GATA2: variants seen among roughly 807,000 people sequenced by gnomAD.
GATA2 encodes the protein GATA binding protein 2.
In GATA2, 6 loss-of-function variants were observed where a neutral mutation model predicts 35.7. The ratio of observed to expected loss-of-function variants is 0.17; its 90% CI spans 0.09 to 0.33. GATA2 has a LOEUF of 0.33. Ranked by LOEUF, GATA2 falls within the 10% of genes least tolerant of loss-of-function variation. GATA2 has a pLI of 1.00. For missense variants in GATA2, 541 were observed against 656.6 expected (o/e 0.82, Z 1.92); for synonymous variants, 313 against 274.9 (o/e 1.14, Z -1.37).
At chr3:128,489,905 A>G (rs1052189620) in intron 1 of GATA2, 1 of 152,220 alleles carries the variant, frequency 6.6e-6, no homozygotes, top group Non-Finnish European at 1.5e-5. Context: ...CGTGTCCGGC[A>G]AAGCTGCCCC....
chr3:128,487,026 C>G lies in GATA2; in HGVS notation c.6G>C (p.Glu2Asp). 6.3e-7 allele frequency: 1 copy of G among 1,583,598 alleles called. No homozygotes were observed. The highest frequency in any genetic ancestry group is 2.3e-5 in the East Asian group (1 of 43,512). Residue 2 changes from glutamate (E) to aspartate (D), a missense_variant, in exon 2 of 6, where the codon GAG (glutamate) becomes GAC (aspartate). Physicochemically the swap from Glu to Asp is conservative, Grantham distance 45. Around this residue, in one of 5 missense-constraint regions of GATA2, gnomAD observed 389 missense variants for 396.9 expected, o/e 0.98. Transcript: ENST00000341105. Reference protein sequence around the residue: MEVAPEQPRWMA... With the variant: MDVAPEQPRWMA... Reference sequence around the variant, plus strand: ...TCCAGCGCGGCTGCTCGGGCGCCACCTCCATGGCCGGCGGCGGCGGCTCAG... The same window carrying G: ...TCCAGCGCGGCTGCTCGGGCGCCACGTCCATGGCCGGCGGCGGCGGCTCAG...
chr3:128,483,785 G>A (rs1301667763), intron 4 of GATA2, 75 bp downstream of exon 4: 2 of 1,589,418 alleles, frequency 1.3e-6, no homozygotes, highest in African/African-American at 1.3e-5. Context: ...GCATTTGAAG[G>A]AGTTTTTTTC....
chr3:128,486,810 G>C lies in GATA2; in HGVS notation c.222C>G (p.Pro74=). ...CACGGGCCCAGTGCTCACCGTGCGC[G>C]GGGCTGTAGGAGACGCGCGCCCGCG... ...AHARARVSYS[P]AHARLTGGQM... is the part of the protein sequence containing the mutation. Residue 74 remains proline, a synonymous_variant, in exon 2 of 6, where the codon CCC becomes CCG. Coordinates refer to ENST00000341105, the MANE Select transcript of GATA2 (RefSeq NM_032638.5). 1 of 1,604,174 alleles carries C rather than the reference G, an allele frequency of 6.2e-7. No individual in the cohort carries two copies. Among genetic ancestry groups the C allele is most frequent in the South Asian group, 1.1e-5 (1 of 88,970 alleles).
intron 4 of GATA2, among the ~76,000 whole-genome samples, chr3:128,483,073 C>G (rs1030278641): frequency 3.9e-5 from 6 of 152,268 alleles, no homozygotes; most frequent in African/African-American, 1.4e-4. Context: ...CCTCTACCCC[C>G]ACCCGGGCCT....
In GATA2 at chr3:128,483,241, C is replaced by T. The variant is rs1384512360; in HGVS notation, c.1017+619G>A. On this transcript the variant is annotated intron_variant, in intron 4 of 5. Coordinates refer to ENST00000341105, the MANE Select transcript of GATA2 (RefSeq NM_032638.5). ...TATTAGAAATTTCAAAACAGCCCAG[C>T]GAGAGGCAGGACTGAGCTGAGGAGA... is the stretch of plus-strand genomic sequence containing the variant. 6.6e-6 allele frequency among the ~76,000 whole-genome samples: 1 copy of T among 152,150 alleles called. No individual in the cohort carries two copies. The highest frequency in any genetic ancestry group is 2.1e-4 in the South Asian group (1 of 4,826).
In GATA2 at chr3:128,492,935, G is replaced by C. The variant is rs868346073; in HGVS notation, c.-82C>G. ...CGGTGGGCGGCGCCCCCGGGCGGAC[G>C]GGGCCTGGAGTAGAGCTGGGAGCAG... On this transcript the variant is annotated 5_prime_UTR_variant, in exon 1 of 6. Coordinates refer to ENST00000341105, the MANE Select transcript of GATA2 (RefSeq NM_032638.5). 1.3e-5 allele frequency: 2 copies of C among 152,596 alleles called. No individual in the cohort carries two copies. Among genetic ancestry groups the C allele is most frequent in the African/African-American group, 4.8e-5 (2 of 41,440 alleles). The allele number at this position is 152,596 out of a possible 1,614,324, so 9.5% of individuals were successfully genotyped here.
At chr3:128,481,790 G>T in intron 5 of GATA2, 29 bp downstream of exon 5, 1 of 1,605,996 alleles carries the variant, frequency 6.2e-7, no homozygotes. Context: ...CCTGGGAGGG[G>T]CGGGGTGGCC....
In GATA2 at chr3:128,485,702, C is replaced by T. The variant is rs757591908; in HGVS notation, c.871+25G>A. On this transcript the variant is annotated intron_variant, in intron 3 of 5. Transcript: ENST00000341105. ...AAAACGCAAATGCTCCCCTCTTCCA[C>T]GAAGTCCCCAGCACCTGCCTTTACC... 3.7e-6 allele frequency: 6 copies of T among 1,611,326 alleles called. No homozygotes were observed. The African/African-American group carries it at 6.7e-5, about 18-fold the overall frequency.
At position 128,483,942 on chromosome 3, in the gene GATA2, C is replaced by T. The variant is rs866549293; in HGVS notation, c.935G>A (p.Gly312Asp). The T allele has an allele frequency of 6.2e-7, 1 of 1,614,116 alleles. No homozygotes were observed. Among genetic ancestry groups the T allele is most frequent in the Non-Finnish European group, 8.5e-7 (1 of 1,180,040 alleles). Residue 312 changes from glycine (G) to aspartate (D), a missense_variant, in exon 4 of 6, where the codon GGC becomes GAC. By Grantham distance (94) the Gly-to-Asp change is moderately conservative. This residue lies in a region of GATA2 where 15 missense variants were observed against 59.5 expected (regional missense o/e 0.25). Coordinates refer to ENST00000341105, the MANE Select transcript of GATA2 (RefSeq NM_032638.5). ...GCCACAGGCATTGCACAGGTAGTGGCCGGTGCCGTCCCGCCGCCAGAGAGG... is the reference window on the plus strand; with the variant it reads ...GCCACAGGCATTGCACAGGTAGTGGTCGGTGCCGTCCCGCCGCCAGAGAGG... ...ATPLWRRDGTGHYLCNACGLY... is the reference protein window; with the variant it reads ...ATPLWRRDGTDHYLCNACGLY...
intron 5 of GATA2, among the ~76,000 whole-genome samples, 154 bp downstream of exon 5, chr3:128,481,665 C>A (rs1285315260): frequency 6.6e-6 from 1 of 152,212 alleles, no homozygotes; most frequent in African/African-American, 2.4e-5. Flanking sequence ...AGGCAAGGCA[C>A]CCCTCTTACG....
chr3:128,483,782 AAGG>A lies in GATA2; in HGVS notation c.1017+75_1017+77del, dbSNP rs1186570827. 24 of 1,585,138 alleles carry A rather than the reference AAGG, an allele frequency of 1.5e-5. No individual in the cohort carries two copies. In the South Asian group the frequency reaches 1.8e-4, roughly 12 times the overall value. Reference sequence around the variant, plus strand: ...TCAAGCGGCAAAGCGTCTGCATTTGAAGGAGTTTTTTTCCCCTGTAATTAACCG... The same window carrying A: ...TCAAGCGGCAAAGCGTCTGCATTTGAAGTTTTTTTCCCCTGTAATTAACCG... On this transcript the variant is annotated intron_variant, in intron 4 of 5. Transcript: ENST00000341105.
chr3:128,480,946 G>C lies in GATA2; in HGVS notation c.*73C>G, dbSNP rs886057928. The C allele has an allele frequency of 6.9e-7, 1 of 1,443,152 alleles. No individual in the cohort carries two copies. Among genetic ancestry groups the C allele is most frequent in the African/African-American group, 1.4e-5 (1 of 70,314 alleles). The allele number at this position is 1,443,152 out of a possible 1,614,324, so 89.4% of individuals were successfully genotyped here. ...GCTGGCAGGAGTGGTGTCGGCCTTCGGGAAATGCTGGGCTGCTAAGGGTTT... is the reference window on the plus strand; with the variant it reads ...GCTGGCAGGAGTGGTGTCGGCCTTCCGGAAATGCTGGGCTGCTAAGGGTTT... On this transcript the variant is annotated 3_prime_UTR_variant, in exon 6 of 6. Transcript: ENST00000341105.
intron 1 of GATA2, chr3:128,490,284 G>T (rs2068755431): frequency 6.6e-6 from 1 of 152,426 alleles, no homozygotes; most frequent in African/African-American, 2.4e-5. Flanking sequence ...CGGAGCGAGG[G>T]AGGGGATTTA....
At position 128,479,747 on chromosome 3, in the gene GATA2, C is replaced by T. The variant is rs1260323409; in HGVS notation, c.*1272G>A. ...GGGCCCCTCACAGGCCACCACACCC[C>T]GCCGTCACCGCATACAGAATCTAAG... On this transcript the variant is annotated 3_prime_UTR_variant, in exon 6 of 6. Transcript: ENST00000341105. 1.3e-5 allele frequency: 3 copies of T among 233,674 alleles called. No individual in the cohort carries two copies. Among genetic ancestry groups the T allele is most frequent in the Admixed American group, 5.6e-5 (1 of 17,786 alleles). 14.5% of individuals were successfully genotyped at this position (233,674 alleles called of 1,614,324 possible). A position where few individuals can be genotyped will look rare whatever the true frequency, so the allele number is the denominator to read the frequency against.
At position 128,488,598 on chromosome 3, in the gene GATA2, G is replaced by C. The variant is rs895174995; in HGVS notation, c.-45-1522C>G. 6.6e-6 allele frequency: 1 copy of C among 152,204 alleles called. No individual in the cohort carries two copies. The highest frequency in any genetic ancestry group is 6.5e-5 in the Admixed American group (1 of 15,288). The allele number at this position is 152,204 out of a possible 1,614,324, so 9.4% of individuals were successfully genotyped here. ...CCCCTCCCCGGGCGTGGCCTTCGCA[G>C]GCCAACGGGCCCAATTGCCTGGGGC... is the stretch of plus-strand genomic sequence containing the variant. On this transcript the variant is annotated intron_variant, in intron 1 of 5. Coordinates refer to ENST00000341105, the MANE Select transcript of GATA2 (RefSeq NM_032638.5). The surrounding 1 kb of genome is among the most constrained non-coding windows in gnomAD (Gnocchi z 5.8).
intron 1 of GATA2, among the ~76,000 whole-genome samples, chr3:128,492,456 G>T (rs1397671226): frequency 6.6e-6 from 1 of 152,224 alleles, no homozygotes; most frequent in Non-Finnish European, 1.5e-5. Flanking sequence ...GCGCGGGGGC[G>T]CAAGCAGGAG....
In GATA2 at chr3:128,486,276, C is replaced by T. The variant is rs1435547673; in HGVS notation, c.322G>A (p.Ala108Thr). Residue 108 changes from alanine to threonine, a missense_variant, in exon 3 of 6, where the codon GCT (alanine) becomes ACT (threonine). By Grantham distance (58) the Ala-to-Thr change is moderately conservative (BLOSUM62 0). Transcript: ENST00000341105. ...CAGGGGTTGTGGTGGTGGGCCGCAGCGGCAGAGAGGGCTGCTTTGCCCCCG... is the reference window on the plus strand; with the variant it reads ...CAGGGGTTGTGGTGGTGGGCCGCAGTGGCAGAGAGGGCTGCTTTGCCCCCG... ...LDGGKAALSA[A>T]AAHHHNPWTV... 6.3e-7 allele frequency: 1 copy of T among 1,577,022 alleles called. No homozygotes were observed. Among genetic ancestry groups the T allele is most frequent in the Non-Finnish European group, 8.6e-7 (1 of 1,162,976 alleles).
intron 3 of GATA2, among the ~76,000 whole-genome samples, chr3:128,484,305 G>A (rs763876064): frequency 2.0e-5 from 3 of 152,136 alleles, no homozygotes; most frequent in African/African-American, 7.2e-5. Context: ...GGAGCAACCA[G>A]GAGGGTATTT....
In GATA2 at chr3:128,486,246, C is replaced by G; in HGVS notation, c.352G>C (p.Val118Leu). 6.4e-7 allele frequency: 1 copy of G among 1,565,240 alleles called. No individual in the cohort carries two copies. Among genetic ancestry groups the G allele is most frequent in the Non-Finnish European group, 8.7e-7 (1 of 1,155,108 alleles). Reference protein sequence around the residue: ...AAAHHHNPWTVSPFSKTPLHP... With the variant: ...AAAHHHNPWTLSPFSKTPLHP... ...AGTGGCGTCTTGGAGAAGGGGCTCA[C>G]GGTCCAGGGGTTGTGGTGGTGGGCC... The change falls in exon 3 of 6, where the codon GTG (valine) becomes CTG (leucine). Residue 118 changes from valine (V) to leucine (L), a missense_variant. Val to Leu is a conservative substitution (Grantham distance 32, BLOSUM62 1). This residue lies in a region of GATA2 where 389 missense variants were observed against 396.9 expected (regional missense o/e 0.98). Transcript: ENST00000341105.
Sources: gnomAD v4.1 joint callset for allele counts (sites outside exome capture counted in the v4.1 genomes callset) on GRCh38, gnomAD v4.1.1 for gene constraint, gnomAD v4.1.1 regional missense constraint, Gnocchi (gnomAD v3.1) non-coding constraint, MANE v1.5 for transcripts, NCBI Gene and HGNC (gene_info 2026-07-23, HGNC 2026-07-21) for gene names.